Variants in NFIX observed in about 807,000 individuals in gnomAD.
NFIX encodes the protein nuclear factor 1 X-type.
Under a neutral mutation model 53.3 loss-of-function variants are expected in NFIX, and 2 were observed. The ratio of observed to expected loss-of-function variants is 0.04; its 90% CI spans 0.02 to 0.12. NFIX has a LOEUF of 0.12. Ranked by LOEUF, NFIX falls within the 10% of genes least tolerant of loss-of-function variation. NFIX has a pLI of 1.00. For synonymous variants in NFIX, 244 were observed against 289.0 expected (o/e 0.84, Z 1.58); for missense variants, 310 against 674.5 (o/e 0.46, Z 5.99).
rs570153553 is a variant in NFIX, at chr19:13,072,639, C to A, written c.560-408C>A. On this transcript the variant is annotated intron_variant, in intron 2 of 10. Coordinates refer to ENST00000592199, the MANE Select transcript of NFIX (RefSeq NM_001365902.3). This position sits in a 1 kb window ranked among gnomAD's most constrained non-coding sequence, Gnocchi z 4.0. ...CCCCTCTTTGCTCCTGACTCTTGGC[C>A]GGTGCTTCTTACCTGAGGGTGACTT... is the stretch of plus-strand genomic sequence containing the variant. 6.6e-6 allele frequency among the ~76,000 whole-genome samples: 1 copy of A among 152,194 alleles called. No homozygotes were observed. Among genetic ancestry groups the A allele is most frequent in the Admixed American group, 6.5e-5 (1 of 15,286 alleles).
rs1156934446 is a variant in NFIX, at chr19:13,001,315, C to G, written c.27+5451C>G. ...GGTCCCTCTCCATGCCTCTCCATGT[C>G]TCCCAGCGTCCATCACTGGGTGCTA... On this transcript the variant is annotated intron_variant, in intron 1 of 10. Transcript: ENST00000592199. The surrounding 1 kb of genome is among the most constrained non-coding windows in gnomAD (Gnocchi z 6.5). 6.6e-6 allele frequency among the ~76,000 whole-genome samples: 1 copy of G among 152,206 alleles called. No individual in the cohort carries two copies. The highest frequency in any genetic ancestry group is 1.5e-5 in the Non-Finnish European group (1 of 68,052).
rs888119606 is a variant in NFIX at position 13,060,599 on chromosome 19, T to A, written c.560-12448T>A. Among the ~76,000 whole-genome samples, 13 of 152,264 alleles carry A rather than the reference T, an allele frequency of 8.5e-5. No homozygotes were observed. Among genetic ancestry groups the A allele is most frequent in the African/African-American group, 3.1e-4 (13 of 41,572 alleles). On this transcript the variant is annotated intron_variant, in intron 2 of 10. Transcript: ENST00000592199. The surrounding 1 kb of genome is among the most constrained non-coding windows in gnomAD (Gnocchi z 4.3). ...TGGAGGAGCCCAGTCCAGCCCTACATGTGTGACCCTTGGTGCCTGGCAAGG... is the reference window on the plus strand; with the variant it reads ...TGGAGGAGCCCAGTCCAGCCCTACAAGTGTGACCCTTGGTGCCTGGCAAGG...
chr19:13,031,504 T>C (rs1224404690), intron 2 of NFIX, among the ~76,000 whole-genome samples: 1 of 152,176 alleles, frequency 6.6e-6, no homozygotes, highest in Admixed American at 6.5e-5. Context: ...GAATTCCCTT[T>C]ATCCATGAAA....
chr19:13,030,785 A>T (rs1457587502), intron 2 of NFIX, among the ~76,000 whole-genome samples: 1 of 152,244 alleles, frequency 6.6e-6, no homozygotes, highest in African/African-American at 2.4e-5. Flanking sequence ...TGGTGGCTAC[A>T]TAATTTTCAG....
At chr19:13,008,892 G>A (rs897096849) in intron 1 of NFIX, among the ~76,000 whole-genome samples, 1 of 152,162 alleles carries the variant, frequency 6.6e-6, no homozygotes, top group African/African-American at 2.4e-5. Flanking sequence ...CACTGAATCC[G>A]ATGGAAAAGC....
At chr19:13,024,657 G>A in intron 1 of NFIX, 1 of 1,536,498 alleles carries the variant, frequency 6.5e-7, no homozygotes, top group Non-Finnish European at 8.7e-7. Flanking sequence ...GGGCGCGACA[G>A]AGCCTGGCGG....
intron 2 of NFIX, among the ~76,000 whole-genome samples, chr19:13,026,325 A>G (rs965733687): frequency 1.3e-5 from 2 of 151,414 alleles, no homozygotes; most frequent in Non-Finnish European, 2.9e-5. Flanking sequence ...GGGCACAGGC[A>G]TGGCAGGGAG....
intron 1 of NFIX, chr19:13,024,128 A>C: frequency 2.3e-6 from 2 of 871,518 alleles, no homozygotes; most frequent in Middle Eastern, 3.5e-4. Context: ...AAAAAAAAAA[A>C]AACCAAACAA....
rs922321108 is a variant in NFIX at position 13,045,241 on chromosome 19, G to A, written c.559+19689G>A. On this transcript the variant is annotated intron_variant, in intron 2 of 10. Coordinates refer to ENST00000592199, the MANE Select transcript of NFIX (RefSeq NM_001365902.3). The surrounding 1 kb of genome is among the most constrained non-coding windows in gnomAD (Gnocchi z 4.4). ...CACCATGGATTTAGGTGGACAAACA[G>A]TGGTATCCTGGTCTGTGGCTAGCAT... Among the ~76,000 whole-genome samples the A allele has an allele frequency of 1.3e-5, 2 of 152,190 alleles. No individual in the cohort carries two copies. The highest frequency in any genetic ancestry group is 4.8e-5 in the African/African-American group (2 of 41,422).
intron 6 of NFIX, among the ~76,000 whole-genome samples, chr19:13,077,529 C>T (rs2145452604): frequency 6.6e-6 from 1 of 152,308 alleles, no homozygotes; most frequent in East Asian, 1.9e-4. Context: ...AGGTGGCACA[C>T]AGCTGCTGCC....
Position 13,001,786 on chromosome 19 carries a change from A to G in NFIX, c.27+5922A>G, listed in dbSNP as rs931104697. The stretch of plus-strand genomic sequence containing the variant: ...CTGGGCATTCCCTTGGCCTCCGAGC[A>G]CCATGTGAGATGCCTGCTATGGCGG... On this transcript the variant is annotated intron_variant, in intron 1 of 10. Coordinates refer to ENST00000592199, the MANE Select transcript of NFIX (RefSeq NM_001365902.3). The surrounding 1 kb of genome is among the most constrained non-coding windows in gnomAD (Gnocchi z 6.5). 2.0e-5 allele frequency among the ~76,000 whole-genome samples: 3 copies of G among 152,170 alleles called. No homozygotes were observed. The highest frequency in any genetic ancestry group is 4.4e-5 in the Non-Finnish European group (3 of 68,032).
intron 10 of NFIX, among the ~76,000 whole-genome samples, chr19:13,092,823 G>A (rs530598506): frequency 6.6e-6 from 1 of 152,212 alleles, no homozygotes; most frequent in African/African-American, 2.4e-5. Context: ...ACCCACTCTG[G>A]GGATGCCTCA....
chr19:13,042,063 AATTTTTT>A (rs1360016190), intron 2 of NFIX, among the ~76,000 whole-genome samples: 1 of 14,900 alleles, frequency 6.7e-5, no homozygotes, highest in East Asian at 3.8e-3. Flanking sequence ...ACACCTGGCT[AATTTTTT>A]TTTTTTTTTG....
intron 2 of NFIX, among the ~76,000 whole-genome samples, chr19:13,046,988 G>A (rs1487599611): frequency 1.3e-5 from 2 of 152,140 alleles, no homozygotes; most frequent in Non-Finnish European, 2.9e-5. Context: ...GGCTGGAATG[G>A]GATGATGGGG....
At chr19:13,055,671 G>A (rs1048693761) in intron 2 of NFIX, among the ~76,000 whole-genome samples, 10 of 152,150 alleles carry the variant, frequency 6.6e-5, no homozygotes, top group Non-Finnish European at 1.2e-4. Context: ...TGCTCGCCCC[G>A]GGCCTAGCTG....
chr19:13,043,561 C>T lies in NFIX; in HGVS notation c.559+18009C>T, dbSNP rs912329745. ...AAGGCCCCTGGGGCTGCCAAGGTCG[C>T]ACATGTCCTCCCAGGACTTGAAGGG... On this transcript the variant is annotated intron_variant, in intron 2 of 10. Coordinates refer to ENST00000592199, the MANE Select transcript of NFIX (RefSeq NM_001365902.3). This position sits in a 1 kb window ranked among gnomAD's most constrained non-coding sequence, Gnocchi z 4.0. Among the ~76,000 whole-genome samples the T allele has an allele frequency of 1.2e-4, 18 of 152,336 alleles. No individual in the cohort carries two copies. Among genetic ancestry groups the T allele is most frequent in the Admixed American group, 1.2e-3 (18 of 15,308 alleles).
rs1203853077 is a variant in NFIX, at chr19:13,049,751, G to C, written c.560-23296G>C. The stretch of plus-strand genomic sequence containing the variant: ...TGGGACTACAGGCGCCCGCCACCAT[G>C]CCCAGCTAATTTTTGTGTTTTTAGT... On this transcript the variant is annotated intron_variant, in intron 2 of 10. Transcript: ENST00000592199. This position sits in a 1 kb window ranked among gnomAD's most constrained non-coding sequence, Gnocchi z 4.5. Among the ~76,000 whole-genome samples the C allele has an allele frequency of 1.3e-5, 2 of 151,918 alleles. No homozygotes were observed. Among genetic ancestry groups the C allele is most frequent in the African/African-American group, 4.8e-5 (2 of 41,340 alleles).
At chr19:13,034,178 T>C (rs1360946935) in intron 2 of NFIX, among the ~76,000 whole-genome samples, 1 of 152,234 alleles carries the variant, frequency 6.6e-6, no homozygotes, top group African/African-American at 2.4e-5. Context: ...GGGTCCCTGT[T>C]GGAGCCAGTT....
At chr19:13,047,061 T>G (rs1403695809) in intron 2 of NFIX, among the ~76,000 whole-genome samples, 3 of 152,180 alleles carry the variant, frequency 2.0e-5, no homozygotes, top group African/African-American at 7.2e-5. Flanking sequence ...TATCCAGGAC[T>G]CTTAAGGCTC....
Sources: gnomAD v4.1 joint callset for allele counts (sites outside exome capture counted in the v4.1 genomes callset) on GRCh38, gnomAD v4.1.1 for gene constraint, Gnocchi (gnomAD v3.1) non-coding constraint, MANE v1.5 for transcripts, NCBI Gene and HGNC (gene_info 2026-07-23, HGNC 2026-07-21) for gene names.